The following ZFYVE16 variants were observed in gnomAD, a reference collection of about 807,000 sequenced individuals.
ZFYVE16 encodes the protein zinc finger FYVE-type containing 16, also known as zinc finger FYVE domain-containing protein 16.
A neutral mutation model predicts 138.1 loss-of-function variants in ZFYVE16; 89 were observed. The observed-to-expected ratio is 0.64, with a 90% CI of 0.54 to 0.77. The LOEUF (loss-of-function observed/expected upper bound fraction) is 0.77, where lower values mean the gene tolerates loss of function less well. Ranked by LOEUF, ZFYVE16 falls within the 30% of genes least tolerant of loss-of-function variation. ZFYVE16 has a pLI of 0.00. For synonymous variants in ZFYVE16, 596 were observed against 618.3 expected, an observed-to-expected ratio of 0.96 and a Z score of 0.53; for missense variants, 1,793 against 1,786.7, an observed-to-expected ratio of 1.00 and a Z score of -0.06.
At chr5:80,432,239 A>G (rs1348216435) in intron 2 of ZFYVE16, among the ~76,000 whole-genome samples, 1 of 152,220 alleles carries the variant, frequency 6.6e-6, no homozygotes, top group African/African-American at 2.4e-5. Flanking sequence ...AAACAGAGAT[A>G]TAGACAAATG....
At chr5:80,446,408 ATAT>A (rs1751358979) in intron 7 of ZFYVE16, among the ~76,000 whole-genome samples, 1 of 152,208 alleles carries the variant, frequency 6.6e-6, no homozygotes, top group Non-Finnish European at 1.5e-5. Context: ...AGCAGAAATA[ATAT>A]TTTATGAAAA....
chr5:80,481,208 A>G lies in ZFYVE16; in HGVS notation c.*3831A>G, dbSNP rs1755257306. ...ATCACTCTTCTCTTCCCCCTGGTGC[A>G]CTAGTGGCAGACATTGCAGGGCAGA... On this transcript the variant is annotated 3_prime_UTR_variant, in exon 19 of 19. Transcript: ENST00000505560. Among the ~76,000 whole-genome samples, 1 of 152,176 alleles carries G rather than the reference A, an allele frequency of 6.6e-6. No homozygotes were observed. Among genetic ancestry groups the G allele is most frequent in the African/African-American group, 2.4e-5 (1 of 41,428 alleles).
At chr5:80,411,070 C>A (rs541302577) in intron 1 of ZFYVE16, among the ~76,000 whole-genome samples, 1 of 149,928 alleles carries the variant, frequency 6.7e-6, no homozygotes, top group African/African-American at 2.5e-5. Flanking sequence ...GGGGTTCAAG[C>A]GATTCTCCTG....
At chr5:80,440,602 T>G (rs541265592) in intron 5 of ZFYVE16, 1 of 985,168 alleles carries the variant, frequency 1.0e-6, no homozygotes, top group East Asian at 1.1e-4. Flanking sequence ...TTTCTTTGGC[T>G]CTCTAATTAG....
intron 1 of ZFYVE16, among the ~76,000 whole-genome samples, chr5:80,412,233 C>T (rs899214109): frequency 6.6e-6 from 1 of 152,104 alleles, no homozygotes; most frequent in African/African-American, 2.4e-5. Context: ...TTCCATGTTA[C>T]TGCCAATTTT....
chr5:80,416,203 A>T (rs1746193018), intron 1 of ZFYVE16, among the ~76,000 whole-genome samples: 1 of 150,708 alleles, frequency 6.6e-6, no homozygotes, highest in South Asian at 2.1e-4. Context: ...TCTTTTCCCC[A>T]ATTATTTATT....
chr5:80,419,765 A>C lies in ZFYVE16; in HGVS notation c.-93-7727A>C, dbSNP rs574049339. Among the ~76,000 whole-genome samples the C allele has an allele frequency of 2.3e-4, 35 of 152,116 alleles. 2 individuals carry two copies. The South Asian group carries it at 7.3e-3, about 32-fold the overall frequency. The stretch of plus-strand genomic sequence containing the variant: ...AGGATTTTAGTTGGGATTGCACAAG[A>C]ATCTAGAGATCAGGTTGGGAAGAAT... On this transcript the variant is annotated intron_variant, in intron 1 of 18. Coordinates refer to ENST00000505560, the MANE Select transcript of ZFYVE16 (RefSeq NM_001284236.3).
At chr5:80,447,264 C>T (rs1161699290) in intron 7 of ZFYVE16, among the ~76,000 whole-genome samples, 2 of 51,538 alleles carry the variant, frequency 3.9e-5, no homozygotes, top group African/African-American at 1.1e-4. Flanking sequence ...GAGACTCCAT[C>T]TCAAAAAAAA....
At chr5:80,470,448 A>G (rs1017071153) in intron 15 of ZFYVE16, among the ~76,000 whole-genome samples, 2 of 152,118 alleles carry the variant, frequency 1.3e-5, no homozygotes, top group Admixed American at 1.3e-4. Context: ...TATATGCTTA[A>G]TTGGCCATCT....
rs972073489 is a variant in ZFYVE16 at position 80,474,712 on chromosome 5, A to G, written c.4343A>G (p.Tyr1448Cys). ...GATTTATCTATTTTATCAACTTCTTATCAGTTTGCAAAAGAAATAGCCATG... is the reference window on the plus strand; with the variant it reads ...GATTTATCTATTTTATCAACTTCTTGTCAGTTTGCAAAAGAAATAGCCATG... ...DQDLSILSTS[Y>C]QFAKEIAMAC... is the part of the protein sequence containing the mutation. The change falls in exon 18 of 19, where the codon TAT (tyrosine) becomes TGT (cysteine). Residue 1448 changes from tyrosine to cysteine, a missense_variant. By Grantham distance (194) the Tyr-to-Cys change is radical. Coordinates refer to ENST00000505560, the MANE Select transcript of ZFYVE16 (RefSeq NM_001284236.3). The G allele has an allele frequency of 2.5e-6, 4 of 1,613,750 alleles. No homozygotes were observed. Among genetic ancestry groups the G allele is most frequent in the Admixed American group, 1.7e-5 (1 of 59,964 alleles).
intron 18 of ZFYVE16, among the ~76,000 whole-genome samples, chr5:80,476,711 G>A (rs1482265146): frequency 6.6e-6 from 1 of 152,078 alleles, no homozygotes; most frequent in Non-Finnish European, 1.5e-5. Flanking sequence ...CTGGAAAAGG[G>A]GTTTTGTTTT....
chr5:80,420,726 T>C (rs997386909), intron 1 of ZFYVE16, among the ~76,000 whole-genome samples: 6 of 152,238 alleles, frequency 3.9e-5, no homozygotes, highest in Admixed American at 6.5e-5. Flanking sequence ...TCCAAGTCTT[T>C]GCTATTGTGA....
rs549794585 is a variant in ZFYVE16, at chr5:80,430,254, GCAA to G, written c.-40+2710_-40+2712del. On this transcript the variant is annotated intron_variant, in intron 2 of 18. Coordinates refer to ENST00000505560, the MANE Select transcript of ZFYVE16 (RefSeq NM_001284236.3). ...AACAAACTGTCTCTCAGACCACAGT[GCAA>G]TCAAACTAGAACTCAGGATTCAGAA... 4.3e-3 allele frequency among the ~76,000 whole-genome samples: 655 copies of G among 152,176 alleles called. 4 individuals carry two copies. Among genetic ancestry groups the G allele is most frequent in the African/African-American group, 0.015 (618 of 41,504 alleles).
intron 1 of ZFYVE16, among the ~76,000 whole-genome samples, chr5:80,412,290 C>T (rs1396488091): frequency 9.2e-5 from 14 of 151,962 alleles, no homozygotes; most frequent in Middle Eastern, 3.4e-3. Flanking sequence ...GTAAATATTA[C>T]GAAGATTTTT....
chr5:80,425,701 T>G (rs1561244515), intron 1 of ZFYVE16, among the ~76,000 whole-genome samples: 1 of 152,218 alleles, frequency 6.6e-6, no homozygotes, highest in South Asian at 2.1e-4. Flanking sequence ...TGCTTGACTT[T>G]CCTGTAAACA....
intron 2 of ZFYVE16, among the ~76,000 whole-genome samples, chr5:80,429,081 A>G (rs1039435558): frequency 6.6e-6 from 1 of 152,214 alleles, no homozygotes. Context: ...GCAGGCCAAC[A>G]TTCAAATTCA....
intron 6 of ZFYVE16, 117 bp from the exon 7 acceptor site, chr5:80,445,146 A>C: frequency 2.8e-6 from 3 of 1,055,832 alleles, no homozygotes; most frequent in Non-Finnish European, 1.4e-6. Context: ...AGCCCTGAGA[A>C]TTCAGGGGTT....
chr5:80,417,568 A>G (rs1017932623), intron 1 of ZFYVE16, among the ~76,000 whole-genome samples: 2 of 152,202 alleles, frequency 1.3e-5, no homozygotes, highest in Non-Finnish European at 2.9e-5. Flanking sequence ...CTAGAATGTT[A>G]CATAATTAGA....
At chr5:80,418,208 C>T (rs1023119064) in intron 1 of ZFYVE16, among the ~76,000 whole-genome samples, 1 of 148,326 alleles carries the variant, frequency 6.7e-6, no homozygotes, top group Non-Finnish European at 1.5e-5. Flanking sequence ...CTCTTCTCTC[C>T]TCTTTCTCCT....
Sources: gnomAD v4.1 joint callset for allele counts (sites outside exome capture counted in the v4.1 genomes callset) on GRCh38, gnomAD v4.1.1 for gene constraint, MANE v1.5 for transcripts, NCBI Gene and HGNC (gene_info 2026-07-23, HGNC 2026-07-21) for gene names.